The following DLG2 variants were observed in gnomAD, a reference collection of about 807,000 sequenced individuals.
DLG2 encodes the protein discs large MAGUK scaffold protein 2.
DLG2 carries 45 observed loss-of-function variants against 132.5 expected under a neutral mutation model. That is an observed-to-expected ratio of 0.34 (90% CI 0.27 to 0.44). The LOEUF (loss-of-function observed/expected upper bound fraction) is 0.44. DLG2 is among the 20% of genes least tolerant of loss of function. The pLI, the probability that DLG2 is intolerant of heterozygous loss-of-function variation, is 1.00. For synonymous variants in DLG2, 424 were observed against 419.6 expected (o/e 1.01, Z -0.13); for missense variants, 1,045 against 1,196.9 (o/e 0.87, Z 1.87).
chr11:85,544,965 A>T (rs1346160822), intron 3 of DLG2, among the ~76,000 whole-genome samples: 1 of 152,136 alleles, frequency 6.6e-6, no homozygotes, highest in Non-Finnish European at 1.5e-5. Flanking sequence ...TCTTTTCCTA[A>T]TTGAATACCG....
intron 18 of DLG2, among the ~76,000 whole-genome samples, chr11:83,752,200 G>A (rs541443431): frequency 2.0e-5 from 3 of 152,042 alleles, no homozygotes; most frequent in South Asian, 2.1e-4. Context: ...CCCAGGAGGC[G>A]GAGCTTGCAG....
chr11:83,665,804 T>G (rs1161423421), intron 18 of DLG2, among the ~76,000 whole-genome samples: 4 of 152,176 alleles, frequency 2.6e-5, no homozygotes, highest in African/African-American at 4.8e-5. Flanking sequence ...TTTTTTTTTT[T>G]AGAGAACGGG....
At chr11:84,600,423 T>TA (rs1565421798) in intron 6 of DLG2, among the ~76,000 whole-genome samples, 1 of 152,122 alleles carries the variant, frequency 6.6e-6, no homozygotes, top group Non-Finnish European at 1.5e-5. Context: ...TTTAATCACT[T>TA]ACATGACAGA....
intron 7 of DLG2, among the ~76,000 whole-genome samples, chr11:84,292,493 T>C (rs1246791913): frequency 1.3e-5 from 2 of 152,124 alleles, no homozygotes; most frequent in African/African-American, 4.8e-5. Flanking sequence ...GCAAGAGAAA[T>C]TGATAATTTG....
intron 21 of DLG2, among the ~76,000 whole-genome samples, chr11:83,487,324 TAACTAACA>T (rs2093580773): frequency 1.1e-5 from 1 of 91,126 alleles, no homozygotes; most frequent in South Asian, 2.9e-4. Flanking sequence ...GATAAAACAA[TAACTAACA>T]AACATTTATT....
intron 3 of DLG2, among the ~76,000 whole-genome samples, chr11:85,350,687 T>G (rs968126890): frequency 6.6e-6 from 1 of 152,242 alleles, no homozygotes; most frequent in Non-Finnish European, 1.5e-5. Flanking sequence ...ACTTCTTGTT[T>G]TTGTCAGGCT....
intron 10 of DLG2, among the ~76,000 whole-genome samples, chr11:84,095,752 T>TA (rs2097157072): frequency 6.6e-6 from 1 of 152,168 alleles, no homozygotes; most frequent in Admixed American, 6.5e-5. Flanking sequence ...ACCTGCCAAA[T>TA]ACTGAAAATT....
At chr11:84,957,573 C>T (rs1401242014) in intron 6 of DLG2, among the ~76,000 whole-genome samples, 1 of 152,128 alleles carries the variant, frequency 6.6e-6, no homozygotes, top group Non-Finnish European at 1.5e-5. Flanking sequence ...TTGAAGTTTT[C>T]CTCACCCTCT....
rs181028310 is a variant in DLG2 at position 83,684,443 on chromosome 11, G to A, written c.1826-51118C>T. 2.6e-5 allele frequency: 4 copies of A among 152,228 alleles called. No homozygotes were observed. In the East Asian group the frequency reaches 5.8e-4, roughly 22 times the overall value. 9.4% of individuals were successfully genotyped at this position (152,228 alleles called of 1,614,324 possible). Reference sequence around the variant, plus strand: ...CTCACATACAGTCTGTTCTCTCTTTGTTTAGCTTTTCCTCTGAGCGTCTTA... The same window carrying A: ...CTCACATACAGTCTGTTCTCTCTTTATTTAGCTTTTCCTCTGAGCGTCTTA... On this transcript the variant is annotated intron_variant, in intron 18 of 27. Transcript: ENST00000376104.
chr11:84,289,557 A>G (rs1444731056), intron 7 of DLG2, among the ~76,000 whole-genome samples: 1 of 151,930 alleles, frequency 6.6e-6, no homozygotes, highest in Admixed American at 6.6e-5. Flanking sequence ...AGGTCTAGAG[A>G]TAGAGTTAGA....
chr11:85,623,914 A>G (rs1213877676), intron 2 of DLG2, among the ~76,000 whole-genome samples: 3 of 152,246 alleles, frequency 2.0e-5, no homozygotes, highest in Non-Finnish European at 2.9e-5. Context: ...GTCTTGCATC[A>G]TATCAGAGAA....
intron 6 of DLG2, among the ~76,000 whole-genome samples, chr11:84,852,703 T>C (rs1370751452): frequency 6.6e-6 from 1 of 151,976 alleles, no homozygotes; most frequent in Non-Finnish European, 1.5e-5. Flanking sequence ...CATATGTTTA[T>C]TGGGACAAAT....
chr11:84,975,689 G>A (rs1310834293), intron 6 of DLG2, among the ~76,000 whole-genome samples: 1 of 152,110 alleles, frequency 6.6e-6, no homozygotes, highest in Non-Finnish European at 1.5e-5. Context: ...TCCCTATTAA[G>A]AAGAGGGGAT....
chr11:84,156,217 A>G (rs1385758151), intron 9 of DLG2, among the ~76,000 whole-genome samples: 1 of 152,238 alleles, frequency 6.6e-6, no homozygotes, highest in Non-Finnish European at 1.5e-5. Flanking sequence ...CAACTTTGAT[A>G]TCTCAAGCTT....
At chr11:85,379,199 C>T (rs2085673250) in intron 3 of DLG2, among the ~76,000 whole-genome samples, 1 of 152,140 alleles carries the variant, frequency 6.6e-6, no homozygotes, top group South Asian at 2.1e-4. Flanking sequence ...TGAACTTAGA[C>T]TTTTACACAT....
chr11:85,130,330 A>G (rs1240964231), intron 5 of DLG2, among the ~76,000 whole-genome samples: 2 of 152,324 alleles, frequency 1.3e-5, no homozygotes, highest in South Asian at 2.1e-4. Flanking sequence ...GGAATGTGGA[A>G]CAAAGACAAA....
rs546792082 is a variant in DLG2 at position 84,527,359 on chromosome 11, C to G, written c.519+7211G>C. Among the ~76,000 whole-genome samples the G allele has an allele frequency of 2.0e-5, 3 of 152,266 alleles. 1 individual carries two copies. In the South Asian group the frequency reaches 6.2e-4, roughly 32 times the overall value. ...CTAGTAAGAAAATAGTATAAAAATA[C>G]ACATTGTTATCCTTTGTCTATAGTT... On this transcript the variant is annotated intron_variant, in intron 7 of 27. Transcript: ENST00000376104.
intron 6 of DLG2, among the ~76,000 whole-genome samples, chr11:84,809,475 T>A (rs1188967366): frequency 6.6e-6 from 1 of 150,684 alleles, no homozygotes; most frequent in East Asian, 1.9e-4. Flanking sequence ...GAAATAAGAC[T>A]GTTCCTATTT....
At chr11:84,965,765 C>A (rs956492188) in intron 6 of DLG2, among the ~76,000 whole-genome samples, 48 of 152,110 alleles carry the variant, frequency 3.2e-4, no homozygotes, top group Non-Finnish European at 5.4e-4. Context: ...TGCTAAGAAT[C>A]TGAGATCTGC....
Sources: allele counts gnomAD v4.1 joint callset (sites outside exome capture counted in the v4.1 genomes callset), GRCh38; gene constraint gnomAD v4.1.1; transcripts MANE v1.5; gene names NCBI Gene and HGNC (gene_info 2026-07-23, HGNC 2026-07-21).